Variants in TRMT10A observed in about 807,000 individuals in gnomAD.
TRMT10A encodes the protein tRNA methyltransferase 10 homolog A.
Under a neutral mutation model 40.4 loss-of-function variants are expected in TRMT10A, and 37 were observed. That is an observed-to-expected ratio of 0.92 (90% CI 0.71 to 1.21). TRMT10A has a LOEUF of 1.21. Among genes scored for constraint, TRMT10A ranks in the 50% most tolerant of loss-of-function variants. The probability of loss-of-function intolerance (pLI) is 0.00; values close to 1 mark genes in which losing one functional copy is unlikely to be tolerated. For missense variants in TRMT10A, 388 were observed against 404.3 expected, an observed-to-expected ratio of 0.96 and a Z score of 0.35; for synonymous variants, 103 against 134.1, an observed-to-expected ratio of 0.77 and a Z score of 1.60.
Position 99,547,052 on chromosome 4 carries a change from A to G in TRMT10A, c.*2036T>C, listed in dbSNP as rs1723762435. 1 of 152,052 alleles carries G rather than the reference A, an allele frequency of 6.6e-6. No individual in the cohort carries two copies. The highest frequency in any genetic ancestry group is 2.4e-5 in the African/African-American group (1 of 41,386). 9.4% of individuals were successfully genotyped at this position (152,052 alleles called of 1,614,324 possible). On this transcript the variant is annotated 3_prime_UTR_variant, in exon 8 of 8. Transcript: ENST00000394876. ...TGTAAATGTGACCTTATTTGGAGAC[A>G]GGGTCTTTGCGGATGTAGTCAAGAT...
Position 99,558,084 on chromosome 4 carries a change from T to C in TRMT10A, c.313A>G (p.Ile105Val). 1.9e-6 allele frequency: 3 copies of C among 1,607,920 alleles called. No homozygotes were observed. The highest frequency in any genetic ancestry group is 2.2e-5 in the East Asian group (1 of 44,576). The part of the protein sequence containing the change: ...DVVHSTLRLI[I>V]DCSFDHLMVL... ...ATCAAGTGATCAAAACTACAGTCAA[T>C]AATAAGGCGAAGGGTGCTATGAACA... The change falls in exon 3 of 8, where the codon ATT becomes GTT. Residue 105 changes from isoleucine to valine, a missense_variant. Transcript: ENST00000394876.
chr4:99,551,246 T>C (rs1393394672), intron 6 of TRMT10A, among the ~76,000 whole-genome samples: 3 of 152,208 alleles, frequency 2.0e-5, no homozygotes, highest in Non-Finnish European at 4.4e-5. Context: ...TTATGTTTCC[T>C]GCCGAGTTAC....
At chr4:99,551,505 T>A (rs535121262) in intron 6 of TRMT10A, among the ~76,000 whole-genome samples, 1 of 152,166 alleles carries the variant, frequency 6.6e-6, no homozygotes, top group Non-Finnish European at 1.5e-5. Context: ...GCATTACTCA[T>A]GTGTTTGTGG....
intron 6 of TRMT10A, among the ~76,000 whole-genome samples, chr4:99,552,804 G>A (rs1341394645): frequency 1.3e-5 from 2 of 151,806 alleles, no homozygotes; most frequent in African/African-American, 4.8e-5. Context: ...TGAAACCTAT[G>A]TCCAACCAGA....
At chr4:99,553,483 C>A (rs1168970455) in intron 6 of TRMT10A, among the ~76,000 whole-genome samples, 2 of 152,186 alleles carry the variant, frequency 1.3e-5, no homozygotes, top group Admixed American at 1.3e-4. Context: ...GACTCCAGAG[C>A]AATCAGCCTG....
intron 1 of TRMT10A, among the ~76,000 whole-genome samples, chr4:99,562,503 G>T (rs1252387404): frequency 7.2e-6 from 1 of 139,376 alleles, no homozygotes; most frequent in African/African-American, 2.7e-5. Flanking sequence ...GACAGCGATA[G>T]CAAAGGAATG....
At position 99,553,752 on chromosome 4, in the gene TRMT10A, C is replaced by A. The variant is rs901690668; in HGVS notation, c.645+33G>T. Reference sequence around the variant, plus strand: ...AATGGTGATATATCAATTTTAAGAACAAGCAAAAGCAAAAATAAAAATTTA... The same window carrying A: ...AATGGTGATATATCAATTTTAAGAAAAAGCAAAAGCAAAAATAAAAATTTA... On this transcript the variant is annotated intron_variant, in intron 6 of 7. Transcript: ENST00000394876. 76 of 1,574,962 alleles carry A rather than the reference C, an allele frequency of 4.8e-5. No homozygotes were observed. The Admixed American group carries it at 8.5e-4, about 18-fold the overall frequency.
chr4:99,561,133 A>T (rs1560604677), intron 1 of TRMT10A, among the ~76,000 whole-genome samples: 2 of 151,908 alleles, frequency 1.3e-5, no homozygotes, highest in African/African-American at 4.8e-5. Context: ...CGCCTGGCTA[A>T]TTTTTGTATT....
Position 99,550,980 on chromosome 4 carries a change from T to C in TRMT10A, c.656A>G (p.Tyr219Cys). Residue 219 changes from tyrosine to cysteine, a missense_variant, in exon 7 of 8, where the codon TAT becomes TGT. Transcript: ENST00000394876. ...GATTCCATAATCTGACGCTTGTTTA[T>C]ATGTGAGTCCCTAAAACAAAGACAC... Reference protein sequence around the residue: ...VDHNHHKGLTYKQASDYGINH... With the variant: ...VDHNHHKGLTCKQASDYGINH... 6.2e-7 allele frequency: 1 copy of C among 1,610,596 alleles called. No homozygotes were observed. Among genetic ancestry groups the C allele is most frequent in the Non-Finnish European group, 8.5e-7 (1 of 1,178,318 alleles).
intron 3 of TRMT10A, 175 bp from the exon 4 acceptor site, chr4:99,557,591 C>T: frequency 1.8e-6 from 1 of 548,068 alleles, no homozygotes. Context: ...AGCAAAATTA[C>T]TGTAAGTTAA....
rs532853446 is a variant in TRMT10A, at chr4:99,547,951, G to C, written c.*1137C>G. The stretch of plus-strand genomic sequence containing the variant: ...ACATTTAACTGCATGTACAATTACT[G>C]ATAGGAAACTAAAACAGTTCCCTTT... On this transcript the variant is annotated 3_prime_UTR_variant, in exon 8 of 8. Coordinates refer to ENST00000394876, the MANE Select transcript of TRMT10A (RefSeq NM_001134665.3). 6.6e-6 allele frequency: 1 copy of C among 152,192 alleles called. No individual in the cohort carries two copies. Among genetic ancestry groups the C allele is most frequent in the African/African-American group, 2.4e-5 (1 of 41,556 alleles). The allele number at this position is 152,192 out of a possible 1,614,324, so 9.4% of individuals were successfully genotyped here.
At chr4:99,552,575 T>A (rs893302761) in intron 6 of TRMT10A, among the ~76,000 whole-genome samples, 1 of 152,138 alleles carries the variant, frequency 6.6e-6, no homozygotes, top group Non-Finnish European at 1.5e-5. Flanking sequence ...AACATACGAC[T>A]GAACTTAAAC....
At chr4:99,562,602 T>A (rs1724475849) in intron 1 of TRMT10A, among the ~76,000 whole-genome samples, 1 of 137,274 alleles carries the variant, frequency 7.3e-6, no homozygotes, top group African/African-American at 2.8e-5. Context: ...CTCGGCTCAC[T>A]GCAACCTCTG....
At position 99,549,284 on chromosome 4, in the gene TRMT10A, C is replaced by T. The variant is rs750636145; in HGVS notation, c.824G>A (p.Arg275Gln). Residue 275 changes from arginine (R) to glutamine (Q), a missense_variant, in exon 8 of 8, where the codon CGG becomes CAG. Coordinates refer to ENST00000394876, the MANE Select transcript of TRMT10A (RefSeq NM_001134665.3). ...QEAFFTILPQRKGAVPTDKAC... is the reference protein window; with the variant it reads ...QEAFFTILPQQKGAVPTDKAC... Reference sequence around the variant, plus strand: ...TTTGTCTGTGGGAACAGCTCCTTTCCGTTGGGGCAAGATAGTAAAAAATGC... The same window carrying T: ...TTTGTCTGTGGGAACAGCTCCTTTCTGTTGGGGCAAGATAGTAAAAAATGC... 52 of 1,614,000 alleles carry T rather than the reference C, an allele frequency of 3.2e-5. No individual in the cohort carries two copies. The highest frequency in any genetic ancestry group is 2.4e-4 in the South Asian group (22 of 91,084).
Position 99,550,943 on chromosome 4 carries a change from C to A in TRMT10A, c.693G>T (p.Gln231His). 6.2e-7 allele frequency: 1 copy of A among 1,613,190 alleles called. No homozygotes were observed. Among genetic ancestry groups the A allele is most frequent in the Non-Finnish European group, 8.5e-7 (1 of 1,179,590 alleles). Residue 231 changes from glutamine (Q) to histidine (H), a missense_variant, in exon 7 of 8, where the codon CAG (glutamine) becomes CAT (histidine). Transcript: ENST00000394876. Reference sequence around the variant, plus strand: ...TCTTCACAAAATTTCCAAGTGGGAGCTGTGCATGATTGATTCCATAATCTG... The same window carrying A: ...TCTTCACAAAATTTCCAAGTGGGAGATGTGCATGATTGATTCCATAATCTG... ...QASDYGINHAQLPLGNFVKMN... is the reference protein window; with the variant it reads ...QASDYGINHAHLPLGNFVKMN...
Position 99,553,942 on chromosome 4 carries a change from A to G in TRMT10A, c.496-8T>C, listed in dbSNP as rs750168788. ...TGGTTTGATATGGATATCCTTTAAG[A>G]CAACAGGGAAAGAGGTTACTAATTA... On this transcript the variant is annotated splice_region_variant and splice_polypyrimidine_tract_variant and intron_variant, in intron 5 of 7. Transcript: ENST00000394876. 6 of 1,609,358 alleles carry G rather than the reference A, an allele frequency of 3.7e-6. No homozygotes were observed. The South Asian group carries it at 6.7e-5, about 18-fold the overall frequency.
At chr4:99,556,036 C>T in intron 5 of TRMT10A, 110 bp downstream of exon 5, 1 of 921,206 alleles carries the variant, frequency 1.1e-6, no homozygotes, top group Non-Finnish European at 1.6e-6. Flanking sequence ...GAGATTGCAT[C>T]TGGAGATTGT....
At chr4:99,562,201 A>ATATATGTGTGTGTG (rs374134499) in intron 1 of TRMT10A, among the ~76,000 whole-genome samples, 39 of 136,184 alleles carry the variant, frequency 2.9e-4, no homozygotes, top group African/African-American at 1.0e-3. Flanking sequence ...ATATATATAT[A>ATATATGTGTGTGTG]TGTGTGTGTG....
chr4:99,557,927 G>C, intron 3 of TRMT10A, 122 bp downstream of exon 3: 1 of 986,762 alleles, frequency 1.0e-6, no homozygotes, highest in Non-Finnish European at 1.4e-6. Context: ...TTAGGGGAAA[G>C]TTTGAAAAAC....
Sources: allele counts gnomAD v4.1 joint callset (sites outside exome capture counted in the v4.1 genomes callset), GRCh38; gene constraint gnomAD v4.1.1; transcripts MANE v1.5; gene names NCBI Gene and HGNC (gene_info 2026-07-23, HGNC 2026-07-21).